The following PI4KA variants were observed in gnomAD, a reference collection of about 807,000 sequenced individuals.
PI4KA encodes phosphatidylinositol 4-kinase alpha, also known as PI4-kinase alpha.
In PI4KA, 122 loss-of-function variants were observed where a neutral mutation model predicts 271.4. The ratio of observed to expected loss-of-function variants is 0.45; its 90% CI spans 0.39 to 0.52. The LOEUF is 0.52. Ranked by LOEUF, PI4KA falls within the 20% of genes least tolerant of loss-of-function variation. PI4KA has a pLI of 0.00. For synonymous variants in PI4KA, 1,041 were observed against 1,078.8 expected (o/e 0.96, Z 0.69); for missense variants, 1,969 against 2,769.1 (o/e 0.71, Z 6.48).
chr22:20,824,441 A>AT, intron 3 of PI4KA, 27 bp from the exon 4 acceptor site: 3 of 1,530,584 alleles, frequency 2.0e-6, no homozygotes, highest in Non-Finnish European at 2.7e-6. Context: ...CATAAATCAG[A>AT]TAACCAGGAA....
chr22:20,712,495 G>A lies in PI4KA; in HGVS notation c.5793C>T (p.Ala1931=). The A allele has an allele frequency of 1.2e-6, 2 of 1,607,858 alleles. No homozygotes were observed. The highest frequency in any genetic ancestry group is 1.1e-5 in the South Asian group (1 of 90,046). The change falls in exon 50 of 55, where the codon GCC becomes GCT. Residue 1931 remains alanine (A), a synonymous_variant. Transcript: ENST00000255882. ...TRQYGDESTL[A]FQQARYNFIR... ...TGGCCACCCTGGCTACCTGCTGGAA[G>A]GCCAGAGTGGACTCATCCCCGTACT...
chr22:20,810,488 G>A (rs1306786138), intron 9 of PI4KA, among the ~76,000 whole-genome samples: 1 of 150,220 alleles, frequency 6.7e-6, no homozygotes, highest in Non-Finnish European at 1.5e-5. Flanking sequence ...CAGCCTGGGC[G>A]ACAGAGCGAG....
At chr22:20,786,376 C>T (rs950685521) in intron 19 of PI4KA, among the ~76,000 whole-genome samples, 6 of 152,192 alleles carry the variant, frequency 3.9e-5, no homozygotes, top group African/African-American at 1.2e-4. Flanking sequence ...CCAAGAGCAG[C>T]CATGGGGTGA....
chr22:20,813,464 T>C lies in PI4KA; in HGVS notation c.899A>G (p.Tyr300Cys), dbSNP rs966880545. ...PDGTALEPEY[Y>C]FSTISSSFSV... Reference sequence around the variant, plus strand: ...GAAGCTGGAGCTGATGGTTGAAAAGTAGTACTCAGGCTCTAGGGCAGTCCC... The same window carrying C: ...GAAGCTGGAGCTGATGGTTGAAAAGCAGTACTCAGGCTCTAGGGCAGTCCC... Residue 300 changes from tyrosine (Y) to cysteine (C), a missense_variant, in exon 8 of 55, where the codon TAC (tyrosine) becomes TGC (cysteine). Around this residue, in one of 13 missense-constraint regions of PI4KA, gnomAD observed 540 missense variants for 555.5 expected, o/e 0.97. Transcript: ENST00000255882. 9 of 1,613,820 alleles carry C rather than the reference T, an allele frequency of 5.6e-6. No individual in the cohort carries two copies. Among genetic ancestry groups the C allele is most frequent in the South Asian group, 2.2e-5 (2 of 91,080 alleles).
At chr22:20,755,583 T>C (rs1470186417) in intron 23 of PI4KA, among the ~76,000 whole-genome samples, 1 of 152,038 alleles carries the variant, frequency 6.6e-6, no homozygotes, top group African/African-American at 2.4e-5. Context: ...GGTGGATCAC[T>C]TGAGGTCAGG....
At chr22:20,832,919 A>G (rs769083360) in intron 3 of PI4KA, among the ~76,000 whole-genome samples, 11 of 152,208 alleles carry the variant, frequency 7.2e-5, no homozygotes, top group Non-Finnish European at 1.6e-4. Flanking sequence ...GTTAAGAACC[A>G]CTGCTGGGGA....
chr22:20,852,713 T>C (rs367649182), intron 1 of PI4KA, among the ~76,000 whole-genome samples: 5 of 152,062 alleles, frequency 3.3e-5, no homozygotes, highest in African/African-American at 1.2e-4. Context: ...GGAAAGAGGA[T>C]AGGAAATTCT....
At position 20,834,511 on chromosome 22, in the gene PI4KA, T is replaced by C. The variant is rs1280885671; in HGVS notation, c.367+51A>G. ...AATAAACACTTGATCCTACAGACAC[T>C]GAACATGTGTATTTTCTCTTATATT... is the stretch of plus-strand genomic sequence containing the variant. On this transcript the variant is annotated intron_variant, in intron 3 of 54. Transcript: ENST00000255882. 3.7e-6 allele frequency: 4 copies of C among 1,078,014 alleles called. No individual in the cohort carries two copies. The African/African-American group carries it at 4.7e-5, about 13-fold the overall frequency. The allele number at this position is 1,078,014 out of a possible 1,614,324, so 66.8% of individuals were successfully genotyped here.
intron 19 of PI4KA, chr22:20,787,023 G>A (rs1469469320): frequency 3.1e-5 from 50 of 1,614,076 alleles, no homozygotes; most frequent in Non-Finnish European, 4.0e-5. Context: ...CGCACCAGCT[G>A]CCTGCTCTTC....
At chr22:20,843,097 CAA>C (rs361761) in intron 1 of PI4KA, among the ~76,000 whole-genome samples, 8 of 113,852 alleles carry the variant, frequency 7.0e-5, no homozygotes, top group Admixed American at 9.0e-5. Context: ...GACTCCGTCT[CAA>C]AAAAAAAAAA....
At chr22:20,746,038 CA>C (rs11330592) in intron 29 of PI4KA, among the ~76,000 whole-genome samples, 25,361 of 60,386 alleles carry the variant, frequency 0.42, 3,124 homozygotes, top group Non-Finnish European at 0.47. Flanking sequence ...GGGGTTTCAT[CA>C]AAAAAAAAAA....
At chr22:20,726,131 A>G (rs937083200) in intron 42 of PI4KA, among the ~76,000 whole-genome samples, 5 of 152,068 alleles carry the variant, frequency 3.3e-5, no homozygotes, top group African/African-American at 1.2e-4. Flanking sequence ...ACTAATGCAT[A>G]TGTCATCTCG....
intron 1 of PI4KA, among the ~76,000 whole-genome samples, chr22:20,847,920 G>T (rs1307780105): frequency 6.6e-6 from 1 of 152,062 alleles, no homozygotes; most frequent in Non-Finnish European, 1.5e-5. Context: ...CATGTTCATA[G>T]ATCAAAACAG....
At chr22:20,747,362 TTA>T in intron 29 of PI4KA, 1 of 444,062 alleles carries the variant, frequency 2.3e-6, no homozygotes, top group Non-Finnish European at 4.0e-6. Flanking sequence ...ATCCATAAAT[TTA>T]AAAAAAAAAA....
At chr22:20,825,993 G>A (rs1923356671) in intron 3 of PI4KA, among the ~76,000 whole-genome samples, 1 of 152,122 alleles carries the variant, frequency 6.6e-6, no homozygotes. Context: ...TTGGTTTCCT[G>A]TTGCTGTGCT....
intron 7 of PI4KA, among the ~76,000 whole-genome samples, chr22:20,815,379 C>CAAAAAAAAAAA (rs361826): frequency 6.0e-5 from 5 of 83,930 alleles, no homozygotes; most frequent in African/African-American, 8.9e-5. Flanking sequence ...GACTGCGTCT[C>CAAAAAAAAAAA]AAAAAAAAAA....
intron 1 of PI4KA, among the ~76,000 whole-genome samples, chr22:20,850,841 C>T (rs751387405): frequency 1.2e-4 from 18 of 151,990 alleles, no homozygotes; most frequent in Admixed American, 2.0e-4. Context: ...ACGGTTTGAG[C>T]TAAGCCTGGG....
chr22:20,739,353 A>G (rs535039393), intron 32 of PI4KA, among the ~76,000 whole-genome samples: 1 of 150,958 alleles, frequency 6.6e-6, no homozygotes, highest in Non-Finnish European at 1.5e-5. Flanking sequence ...AAAAAAAACA[A>G]AAAAAAGCAA....
At chr22:20,798,379 A>C in intron 17 of PI4KA, 1 of 551,876 alleles carries the variant, frequency 1.8e-6, no homozygotes, top group East Asian at 3.1e-5. Context: ...AAAGGAGCTG[A>C]GACCTCGTGC....
Sources: gnomAD v4.1 joint callset for allele counts (sites outside exome capture counted in the v4.1 genomes callset) on GRCh38, gnomAD v4.1.1 for gene constraint, gnomAD v4.1.1 regional missense constraint, MANE v1.5 for transcripts, NCBI Gene and HGNC (gene_info 2026-07-23, HGNC 2026-07-21) for gene names.